The following STAC variants were observed in gnomAD, a reference collection of about 807,000 sequenced individuals.
STAC encodes SH3 and cysteine-rich domain-containing protein.
In STAC, 43 loss-of-function variants were observed where a neutral mutation model predicts 48.8. That is an observed-to-expected ratio of 0.88 (90% confidence interval 0.69 to 1.14). The LOEUF is 1.14. STAC is among the 50% of genes most tolerant of loss of function. The pLI is 0.00. For synonymous variants in STAC, 193 were observed against 179.5 expected (o/e 1.07, Z -0.60); for missense variants, 497 against 504.0 (o/e 0.99, Z 0.13).
At chr3:36,429,452 G>C (rs1024274927) in intron 1 of STAC, among the ~76,000 whole-genome samples, 1 of 152,186 alleles carries the variant, frequency 6.6e-6, no homozygotes, top group Non-Finnish European at 1.5e-5. Context: ...CACTGTAGGA[G>C]GAGACCTGGG....
Position 36,524,112 on chromosome 3 carries a change from G to A in STAC, c.921-4584G>A, listed in dbSNP as rs1259911008. On this transcript the variant is annotated intron_variant, in intron 8 of 10. Transcript: ENST00000273183. The stretch of plus-strand genomic sequence containing the variant: ...AATTTTCACAGGTTCCAGGGCACAG[G>A]GGATGTCCCACATTATCTAGTACCT... Among the ~76,000 whole-genome samples the A allele has an allele frequency of 2.6e-5, 4 of 152,066 alleles. No individual in the cohort carries two copies. In the South Asian group the frequency reaches 8.3e-4, roughly 32 times the overall value.
intron 1 of STAC, among the ~76,000 whole-genome samples, chr3:36,411,478 T>G (rs1700193665): frequency 6.6e-6 from 1 of 152,154 alleles, no homozygotes; most frequent in African/African-American, 2.4e-5. Context: ...ACAGAATATA[T>G]TTGCATCTCA....
intron 6 of STAC, among the ~76,000 whole-genome samples, chr3:36,495,995 C>A (rs1252145154): frequency 6.6e-6 from 1 of 152,180 alleles, no homozygotes; most frequent in South Asian, 2.1e-4. Context: ...CCCTCCCCTT[C>A]AATACACACA....
intron 5 of STAC, among the ~76,000 whole-genome samples, chr3:36,492,817 G>A (rs1391415794): frequency 6.6e-6 from 1 of 152,202 alleles, no homozygotes; most frequent in Admixed American, 6.5e-5. Context: ...AGTTTTAAGT[G>A]ACAGGATATG....
intron 6 of STAC, among the ~76,000 whole-genome samples, chr3:36,493,562 T>C (rs1158219791): frequency 1.3e-5 from 2 of 151,974 alleles, no homozygotes; most frequent in Non-Finnish European, 2.9e-5. Context: ...CGTCATTTTC[T>C]CCACTGAGCT....
intron 6 of STAC, among the ~76,000 whole-genome samples, chr3:36,496,223 A>G (rs1698149424): frequency 6.6e-6 from 1 of 152,250 alleles, no homozygotes; most frequent in Admixed American, 6.5e-5. Flanking sequence ...CTTTCTCTAC[A>G]ATGCACCCTG....
chr3:36,437,545 CAT>C (rs1696181086), intron 1 of STAC, among the ~76,000 whole-genome samples: 1 of 146,196 alleles, frequency 6.8e-6, no homozygotes, highest in Non-Finnish European at 1.5e-5. Context: ...CCAAACACCA[CAT>C]GTTCTCACTC....
At chr3:36,527,855 A>T (rs1226486110) in intron 8 of STAC, among the ~76,000 whole-genome samples, 2 of 152,226 alleles carry the variant, frequency 1.3e-5, no homozygotes, top group Non-Finnish European at 2.9e-5. Flanking sequence ...ACACATGCAC[A>T]CATACACAAA....
chr3:36,501,249 A>C (rs79637626), intron 6 of STAC, among the ~76,000 whole-genome samples: 1 of 152,218 alleles, frequency 6.6e-6, no homozygotes, highest in African/African-American at 2.4e-5. Context: ...AGTGTTAAAA[A>C]AATAAGAAAG....
rs1259963957 is a variant in STAC, at chr3:36,453,763, T to A, written c.388+10123T>A. ...ATCCACTGGGTGAAGCCAGCTGGGC[T>A]CCTGAGTCTGGTGGGGACGTGGAGA... On this transcript the variant is annotated intron_variant, in intron 2 of 10. Coordinates refer to ENST00000273183, the MANE Select transcript of STAC (RefSeq NM_003149.3). 4.1e-3 allele frequency among the ~76,000 whole-genome samples: 115 copies of A among 27,844 alleles called. 51 individuals carry two copies. Among genetic ancestry groups the A allele is most frequent in the Middle Eastern group, 0.029 (2 of 70 alleles). 18.3% of individuals were successfully genotyped at this position (27,844 alleles called of 152,430 possible).
In STAC at chr3:36,543,187, C is replaced by T. The variant is rs74925406; in HGVS notation, c.1111-3004C>T. On this transcript the variant is annotated intron_variant, in intron 10 of 10. Transcript: ENST00000273183. ...CCTGTCCTCACTTTCCACTCTTTTC[C>T]ACCTGTAACTAATCTTCTGGGAAGA... Among the ~76,000 whole-genome samples the T allele has an allele frequency of 5.0e-3, 763 of 152,232 alleles. 5 individuals are homozygous for T. The highest frequency in any genetic ancestry group is 0.017 in the African/African-American group (692 of 41,556).
chr3:36,533,271 A>G (rs936368567), intron 10 of STAC, among the ~76,000 whole-genome samples: 1 of 152,114 alleles, frequency 6.6e-6, no homozygotes, highest in African/African-American at 2.4e-5. Flanking sequence ...TCAGACTGAC[A>G]CCCCATCTCT....
chr3:36,402,555 A>G (rs1046061122), intron 1 of STAC, among the ~76,000 whole-genome samples: 1 of 152,164 alleles, frequency 6.6e-6, no homozygotes, highest in African/African-American at 2.4e-5. Flanking sequence ...CTGTCTAAAC[A>G]ACATCTAACA....
chr3:36,462,011 G>A (rs567130378), intron 2 of STAC, among the ~76,000 whole-genome samples: 5 of 152,238 alleles, frequency 3.3e-5, no homozygotes, highest in Admixed American at 1.3e-4. Context: ...GAGGATTGAC[G>A]CAAGCAGAAC....
intron 8 of STAC, among the ~76,000 whole-genome samples, chr3:36,523,557 T>A (rs62243790): frequency 0.012 from 1,894 of 152,302 alleles, 15 homozygotes; most frequent in Middle Eastern, 0.027. Flanking sequence ...AATTGTAAAC[T>A]CTAGACGTAA....
chr3:36,422,383 T>C (rs1353711174), intron 1 of STAC, among the ~76,000 whole-genome samples: 1 of 152,064 alleles, frequency 6.6e-6, no homozygotes, highest in African/African-American at 2.4e-5. Context: ...ACCTCAGAGA[T>C]CAAAAGAATA....
rs370414231 is a variant in STAC at position 36,387,277 on chromosome 3, C to T, written c.111+6523C>T. 6.6e-5 allele frequency among the ~76,000 whole-genome samples: 10 copies of T among 151,984 alleles called. No homozygotes were observed. In the East Asian group the frequency reaches 1.5e-3, roughly 23 times the overall value. On this transcript the variant is annotated intron_variant, in intron 1 of 10. Coordinates refer to ENST00000273183, the MANE Select transcript of STAC (RefSeq NM_003149.3). ...TCCTTCTTTTTTAGATTCTACTCCA[C>T]GTAGACATCAAAACCAACCTAGGTT...
chr3:36,428,613 A>G (rs1700621433), intron 1 of STAC, among the ~76,000 whole-genome samples: 1 of 152,194 alleles, frequency 6.6e-6, no homozygotes, highest in African/African-American at 2.4e-5. Flanking sequence ...ATGACCTTTG[A>G]GTAGAGACCT....
intron 1 of STAC, among the ~76,000 whole-genome samples, chr3:36,427,263 GA>G (rs1320193423): frequency 2.0e-5 from 3 of 152,186 alleles, no homozygotes; most frequent in Admixed American, 6.5e-5. Context: ...GTGAGCCTGT[GA>G]AACACCTCGA....
Sources: allele counts gnomAD v4.1 joint callset (sites outside exome capture counted in the v4.1 genomes callset), GRCh38; gene constraint gnomAD v4.1.1; transcripts MANE v1.5; gene names NCBI Gene and HGNC (gene_info 2026-07-23, HGNC 2026-07-21).